FGD5: variants seen among roughly 807,000 people sequenced by gnomAD.
FGD5 encodes FYVE, RhoGEF and PH domain containing 5.
In FGD5, 28 loss-of-function variants were observed where a neutral mutation model predicts 133.4. The ratio of observed to expected loss-of-function variants is 0.21; its 90% confidence interval spans 0.16 to 0.29. The LOEUF is 0.29. FGD5 is among the 10% of genes least tolerant of loss of function. FGD5 has a pLI of 1.00. For missense variants in FGD5, 1,858 were observed against 1,895.2 expected, an observed-to-expected ratio of 0.98 and a Z score of 0.36; for synonymous variants, 810 against 776.5, an observed-to-expected ratio of 1.04 and a Z score of -0.72.
chr3:14,825,962 A>C (rs946414193), intron 1 of FGD5, among the ~76,000 whole-genome samples: 3 of 152,232 alleles, frequency 2.0e-5, no homozygotes, highest in Admixed American at 1.3e-4. Flanking sequence ...TTAGCAACAC[A>C]GTGCTGGATG....
chr3:14,831,137 C>T (rs757121719), intron 1 of FGD5, among the ~76,000 whole-genome samples: 3 of 152,080 alleles, frequency 2.0e-5, no homozygotes, highest in Non-Finnish European at 4.4e-5. Flanking sequence ...GCCCTTTGTG[C>T]TGAGGCTGGA....
chr3:14,930,728 C>A (rs1190409000), intron 18 of FGD5: 1 of 152,188 alleles, frequency 6.6e-6, no homozygotes, highest in East Asian at 1.9e-4. Flanking sequence ...AATATTGAAT[C>A]TTTCAATCCA....
At chr3:14,879,302 G>A (rs915454328) in intron 2 of FGD5, among the ~76,000 whole-genome samples, 7 of 152,198 alleles carry the variant, frequency 4.6e-5, no homozygotes, top group African/African-American at 9.6e-5. Context: ...AGCCTCCCCC[G>A]TCTATTTCAT....
chr3:14,900,298 A>G, intron 7 of FGD5, 105 bp from the exon 8 acceptor site: 1 of 1,117,110 alleles, frequency 9.0e-7, no homozygotes, highest in Non-Finnish European at 1.3e-6. Flanking sequence ...GAGAGGGTGG[A>G]TGCTTCATTC....
rs543559659 is a variant in FGD5 at position 14,833,802 on chromosome 3, C to G, written c.2525+12206C>G. On this transcript the variant is annotated intron_variant, in intron 1 of 19. Coordinates refer to ENST00000285046, the MANE Select transcript of FGD5 (RefSeq NM_152536.4). The stretch of plus-strand genomic sequence containing the variant: ...TGAAGAGTGCCCGCTTCATCCAGAT[C>G]CTCTGAAATGCTGGAAGACACACCT... 9.2e-5 allele frequency among the ~76,000 whole-genome samples: 14 copies of G among 152,290 alleles called. No individual in the cohort carries two copies. In the South Asian group the frequency reaches 1.9e-3, roughly 20 times the overall value.
chr3:14,838,594 C>T (rs547724448), intron 1 of FGD5, among the ~76,000 whole-genome samples: 1 of 152,332 alleles, frequency 6.6e-6, no homozygotes, highest in African/African-American at 2.4e-5. Flanking sequence ...ATCAGCTCAA[C>T]AAATCTTATT....
intron 1 of FGD5, among the ~76,000 whole-genome samples, chr3:14,857,518 A>C (rs2037307305): frequency 6.6e-6 from 1 of 152,146 alleles, no homozygotes; most frequent in African/African-American, 2.4e-5. Context: ...AACATACAGC[A>C]AAGTTTCAGA....
intron 1 of FGD5, among the ~76,000 whole-genome samples, chr3:14,823,789 G>C (rs1253356695): frequency 6.6e-6 from 1 of 152,226 alleles, no homozygotes; most frequent in African/African-American, 2.4e-5. Flanking sequence ...GCCACCTGGG[G>C]TGTGCAGTGC....
intron 1 of FGD5, among the ~76,000 whole-genome samples, chr3:14,828,187 G>C (rs1475142831): frequency 2.0e-5 from 3 of 152,124 alleles, no homozygotes; most frequent in Non-Finnish European, 4.4e-5. Flanking sequence ...CTGAGAGTCT[G>C]GGGGTAGGAA....
Position 14,880,638 on chromosome 3 carries a change from C to G in FGD5, c.2717+8C>G. On this transcript the variant is annotated splice_region_variant and intron_variant, in intron 3 of 19. Coordinates refer to ENST00000285046, the MANE Select transcript of FGD5 (RefSeq NM_152536.4). ...GCTATCTTCAGAGAAAGCGTGAGTC[C>G]CCAAGGAGCTGCCTGTGGCCTTGAG... 3.1e-6 allele frequency: 5 copies of G among 1,613,970 alleles called. No individual in the cohort carries two copies. The highest frequency in any genetic ancestry group is 4.2e-6 in the Non-Finnish European group (5 of 1,179,896).
rs1245844392 is a variant in FGD5, at chr3:14,917,138, T to G, written c.3406-111T>G. 3.1e-5 allele frequency: 28 copies of G among 907,698 alleles called. No individual in the cohort carries two copies. The East Asian group carries it at 7.5e-4, about 24-fold the overall frequency. 56.2% of individuals were successfully genotyped at this position (907,698 alleles called of 1,614,324 possible). ...GTTTTTGCTCACCTGTGGGGGTTAC[T>G]GAGGAATACAAGATGCCTGTGCACA... On this transcript the variant is annotated intron_variant, in intron 11 of 19. Transcript: ENST00000285046. The surrounding 1 kb of genome is among the most constrained non-coding windows in gnomAD (Gnocchi z 4.1).
intron 4 of FGD5, among the ~76,000 whole-genome samples, chr3:14,884,045 A>G (rs1286885503): frequency 2.0e-5 from 3 of 152,342 alleles, no homozygotes; most frequent in Admixed American, 1.3e-4. Context: ...GGTAGGAGGT[A>G]GGATCAGGGA....
chr3:14,924,403 A>G (rs4684245), intron 17 of FGD5, among the ~76,000 whole-genome samples: 1 of 152,066 alleles, frequency 6.6e-6, no homozygotes, highest in Admixed American at 6.5e-5. Flanking sequence ...TAGATCTAGT[A>G]CCCAAGCAGA....
intron 1 of FGD5, among the ~76,000 whole-genome samples, chr3:14,834,104 A>G (rs12485596): frequency 5.1e-4 from 78 of 152,330 alleles, no homozygotes; most frequent in Admixed American, 3.9e-3. Flanking sequence ...GTTTTTAACA[A>G]TGAATAGGAT....
intron 1 of FGD5, among the ~76,000 whole-genome samples, chr3:14,845,410 G>GT (rs1297080329): frequency 2.0e-5 from 3 of 152,210 alleles, no homozygotes; most frequent in Admixed American, 2.0e-4. Context: ...AGATGCTTCA[G>GT]TTCTCAATAA....
chr3:14,912,811 C>T (rs986077088), intron 11 of FGD5, among the ~76,000 whole-genome samples: 8 of 152,034 alleles, frequency 5.3e-5, no homozygotes, highest in African/African-American at 1.9e-4. Context: ...CCGAGGCAGG[C>T]GGGTCACAAG....
intron 4 of FGD5, among the ~76,000 whole-genome samples, chr3:14,896,553 C>G (rs554828305): frequency 6.6e-6 from 1 of 152,218 alleles, no homozygotes; most frequent in African/African-American, 2.4e-5. Context: ...TCACTGCACC[C>G]TCTGCCTCCT....
At chr3:14,874,668 G>T (rs1045772950) in intron 2 of FGD5, among the ~76,000 whole-genome samples, 2 of 152,132 alleles carry the variant, frequency 1.3e-5, no homozygotes, top group Non-Finnish European at 2.9e-5. Flanking sequence ...TATTCAGCAG[G>T]TTGGAGGCCA....
chr3:14,915,024 C>CA (rs2038524654), intron 11 of FGD5, among the ~76,000 whole-genome samples: 1 of 152,256 alleles, frequency 6.6e-6, no homozygotes, highest in South Asian at 2.1e-4. Flanking sequence ...TGTGGGAACA[C>CA]AGCCACATGC....
Sources: allele counts gnomAD v4.1 joint callset (sites outside exome capture counted in the v4.1 genomes callset), GRCh38; gene constraint gnomAD v4.1.1; non-coding constraint Gnocchi (gnomAD v3.1); transcripts MANE v1.5; gene names NCBI Gene and HGNC (gene_info 2026-07-23, HGNC 2026-07-21).